Variants in LAMP2 observed in about 807,000 individuals in gnomAD.
LAMP2 encodes the protein lysosome-associated membrane glycoprotein 2.
In LAMP2, 4 loss-of-function variants were observed where a neutral mutation model predicts 25.6. That is an observed-to-expected ratio of 0.16 (90% CI 0.08 to 0.36). LAMP2 has a LOEUF of 0.36. Ranked by LOEUF, LAMP2 falls within the 10% of genes least tolerant of loss-of-function variation. The pLI, the probability that LAMP2 is intolerant of heterozygous loss-of-function variation, is 1.00. For synonymous variants in LAMP2, 108 were observed against 112.7 expected (o/e 0.96, Z 0.27); for missense variants, 272 against 301.4 (o/e 0.90, Z 0.72).
rs2058512786 is a variant in LAMP2 at position 120,429,204 on chromosome X, G to A, written c.*2119C>T. The stretch of plus-strand genomic sequence containing the variant: ...CACACACACAATTATTTTTAGCTGA[G>A]CGGTGGCCTGGAAGAATAACAGCAG... On this transcript the variant is annotated 3_prime_UTR_variant, in exon 9 of 9. Coordinates refer to ENST00000200639, the MANE Select transcript of LAMP2 (RefSeq NM_002294.3). The A allele has an allele frequency of 6.7e-6, 5 of 751,819 alleles. No homozygotes were observed. The African/African-American group carries it at 1.2e-4, about 18-fold the overall frequency. The allele number at this position is 751,819 out of a possible 1,213,427, so 62.0% of individuals were successfully genotyped here. A position where few individuals can be genotyped will look rare whatever the true frequency, so the allele number is the denominator to read the frequency against.
At chrX:120,454,256 TG>T (rs2058634837) in intron 3 of LAMP2, among the ~76,000 whole-genome samples, 1 of 109,600 alleles carries the variant, frequency 9.1e-6, no homozygotes, top group Non-Finnish European at 1.9e-5. Context: ...TAGCATTTCC[TG>T]TATAGGGTTT....
At chrX:120,432,127 C>T (rs1282164471) in intron 8 of LAMP2, among the ~76,000 whole-genome samples, 1 of 111,219 alleles carries the variant, frequency 9.0e-6, no homozygotes, top group African/African-American at 3.3e-5. Context: ...ACATAAGACA[C>T]ACTTTGAAAA....
chrX:120,462,241 G>T (rs756476387), intron 1 of LAMP2, among the ~76,000 whole-genome samples: 40 of 111,038 alleles, frequency 3.6e-4, no homozygotes, highest in Non-Finnish European at 5.7e-4. Context: ...TGCAGACCTT[G>T]ACCGGGCAGT....
At chrX:120,439,797 T>C (rs2058563971) in intron 8 of LAMP2, among the ~76,000 whole-genome samples, 1 of 110,657 alleles carries the variant, frequency 9.0e-6, no homozygotes, top group African/African-American at 3.3e-5. Flanking sequence ...AGGGAGCTAA[T>C]CTAGCCCACT....
At chrX:120,443,548 T>A (rs1167692101) in intron 6 of LAMP2, among the ~76,000 whole-genome samples, 1 of 111,491 alleles carries the variant, frequency 9.0e-6, no homozygotes, top group African/African-American at 3.3e-5. Context: ...TAATTATTAT[T>A]ACTATGTTCT....
At chrX:120,455,694 G>A in intron 2 of LAMP2, 124 bp from the exon 3 acceptor site, 1 of 531,159 alleles carries the variant, frequency 1.9e-6, no homozygotes, top group Non-Finnish European at 3.3e-6. Context: ...CCCTTTGCCT[G>A]GTTTGCTGTG....
At chrX:120,436,360 C>T (rs1020759476) in intron 8 of LAMP2, 2 of 266,112 alleles carry the variant, frequency 7.5e-6, no homozygotes, top group Admixed American at 1.9e-4. Context: ...AATATACAGA[C>T]AGAACATCAG....
rs755322977 is a variant in LAMP2 at position 120,428,809 on chromosome X, T to A, written c.*2514A>T. 48 of 750,419 alleles carry A rather than the reference T, an allele frequency of 6.4e-5. No homozygotes were observed. The South Asian group carries it at 2.4e-3, about 37-fold the overall frequency. The allele number at this position is 750,419 out of a possible 1,213,427, so 61.8% of individuals were successfully genotyped here. A position where few individuals can be genotyped will look rare whatever the true frequency, so the allele number is the denominator to read the frequency against. ...TTTATCTAAAATCACACGAAATTCC[T>A]CAGTACGAAAAGCAGAAGGTAAGGG... On this transcript the variant is annotated 3_prime_UTR_variant, in exon 9 of 9. Transcript: ENST00000200639.
At chrX:120,464,588 C>T (rs1268845020) in intron 1 of LAMP2, among the ~76,000 whole-genome samples, 1 of 111,834 alleles carries the variant, frequency 8.9e-6, no homozygotes, top group Admixed American at 9.5e-5. Flanking sequence ...CAGATGGTCA[C>T]ATGGCTGGCC....
chrX:120,452,063 G>A (rs1055965047), intron 3 of LAMP2, among the ~76,000 whole-genome samples: 10 of 110,807 alleles, frequency 9.0e-5, no homozygotes, highest in African/African-American at 2.6e-4. Flanking sequence ...TACTATAACA[G>A]CTTCTTAAGC....
chrX:120,435,353 C>T (rs557603895), intron 8 of LAMP2, among the ~76,000 whole-genome samples: 4 of 111,466 alleles, frequency 3.6e-5, no homozygotes, highest in Middle Eastern at 9.2e-3. Flanking sequence ...TGATTATTAA[C>T]GCAGAAAGTT....
At chrX:120,463,848 G>C (rs1427368001) in intron 1 of LAMP2, among the ~76,000 whole-genome samples, 4 of 107,490 alleles carry the variant, frequency 3.7e-5, no homozygotes, top group African/African-American at 1.4e-4. Flanking sequence ...TATCAGATGT[G>C]ATAATCAATG....
intron 4 of LAMP2, 129 bp downstream of exon 4, chrX:120,448,841 A>G (rs2058609252): frequency 1.8e-6 from 1 of 562,323 alleles, no homozygotes; most frequent in East Asian, 3.5e-5. Context: ...CAAAAACTTT[A>G]TAGCCTAGTA....
rs2058574130 is a variant in LAMP2, at chrX:120,441,879, T to C, written c.944A>G (p.Asn315Ser). 1 of 1,209,845 alleles carries C rather than the reference T, an allele frequency of 8.3e-7. No homozygotes were observed. The highest frequency in any genetic ancestry group is 1.8e-5 in the South Asian group (1 of 56,974). Residue 315 changes from asparagine to serine, a missense_variant, in exon 8 of 9, where the codon AAT (asparagine) becomes AGT (serine). Coordinates refer to ENST00000200639, the MANE Select transcript of LAMP2 (RefSeq NM_002294.3). Reference protein sequence around the residue: ...LVNGSVFSIANNNLSYWDAPL... With the variant: ...LVNGSVFSIASNNLSYWDAPL... ...GGCATCCCAGTAGCTGAGATTGTTATTTGCAATGCTGAAAACTTCAAAGAA... is the reference window on the plus strand; with the variant it reads ...GGCATCCCAGTAGCTGAGATTGTTACTTGCAATGCTGAAAACTTCAAAGAA...
intron 8 of LAMP2, 68 bp downstream of exon 8, chrX:120,441,662 G>A: frequency 1.1e-6 from 1 of 920,419 alleles, no homozygotes; most frequent in Non-Finnish European, 1.6e-6. Context: ...AAATGTCTAT[G>A]ATTCAAAGGA....
At chrX:120,451,919 G>A (rs1210053394) in intron 3 of LAMP2, among the ~76,000 whole-genome samples, 1 of 111,766 alleles carries the variant, frequency 8.9e-6, no homozygotes, top group Non-Finnish European at 1.9e-5. Flanking sequence ...AAATAAAAGG[G>A]GAAAGAGAGA....
At chrX:120,458,147 G>A (rs1921177149) in intron 1 of LAMP2, among the ~76,000 whole-genome samples, 1 of 111,710 alleles carries the variant, frequency 9.0e-6, no homozygotes. Context: ...CCCTGCCATG[G>A]AGCCAAGAGC....
At position 120,429,275 on chromosome X, in the gene LAMP2, A is replaced by AC; in HGVS notation, c.*2047dup. On this transcript the variant is annotated 3_prime_UTR_variant, in exon 9 of 9. Coordinates refer to ENST00000200639, the MANE Select transcript of LAMP2 (RefSeq NM_002294.3). ...ATTCCACCGAACCACCAGGAAAGCA[A>AC]CATGTGCAATGTAGATTTTGAGTTC... 1.3e-6 allele frequency: 1 copy of AC among 748,217 alleles called. No homozygotes were observed. Among genetic ancestry groups the AC allele is most frequent in the Non-Finnish European group, 1.6e-6 (1 of 638,305 alleles). 61.7% of individuals were successfully genotyped at this position (748,217 alleles called of 1,213,427 possible).
At chrX:120,447,311 G>A (rs2058600826) in intron 5 of LAMP2, among the ~76,000 whole-genome samples, 1 of 111,526 alleles carries the variant, frequency 9.0e-6, no homozygotes, top group African/African-American at 3.3e-5. Flanking sequence ...GGGAGGCTGA[G>A]GCAGAAGAAT....
Sources: gnomAD v4.1 joint callset for allele counts (sites outside exome capture counted in the v4.1 genomes callset) on GRCh38, gnomAD v4.1.1 for gene constraint, MANE v1.5 for transcripts, NCBI Gene and HGNC (gene_info 2026-07-23, HGNC 2026-07-21) for gene names.